The following LRIF1 variants were observed in gnomAD, a reference collection of about 807,000 sequenced individuals.
LRIF1 encodes ligand-dependent nuclear receptor-interacting factor 1.
LRIF1 carries 32 observed loss-of-function variants against 52.7 expected under a neutral mutation model. The observed-to-expected ratio is 0.61, with a 90% CI of 0.46 to 0.82. The LOEUF is 0.82. LRIF1 is among the 40% of genes least tolerant of loss of function. The probability of loss-of-function intolerance (pLI) is 0.00; values close to 1 mark genes in which losing one functional copy is unlikely to be tolerated. For missense variants in LRIF1, 887 were observed against 892.0 expected (o/e 0.99, Z 0.07); for synonymous variants, 323 against 317.4 (o/e 1.02, Z -0.19).
the LRIF1 span, among the ~76,000 whole-genome samples, chr1:110,918,465 A>T: frequency 6.6e-6 from 1 of 152,224 alleles, no homozygotes; most frequent in African/African-American, 2.4e-5. Flanking sequence ...GATTAATTAA[A>T]CGTTATGTAT....
chr1:110,934,466 C>A, the LRIF1 span, among the ~76,000 whole-genome samples: 47 of 152,138 alleles, frequency 3.1e-4, no homozygotes, highest in Non-Finnish European at 6.8e-4. Context: ...GAGCCCCCTG[C>A]CATTAAGGGT....
chr1:110,878,686 C>T, the LRIF1 span, among the ~76,000 whole-genome samples: 23 of 152,204 alleles, frequency 1.5e-4, no homozygotes, highest in African/African-American at 5.5e-4. Context: ...TCTTAGCTTA[C>T]AAAGGTGTTT....
chr1:110,962,496 G>A (rs747533875), intron 1 of LRIF1, among the ~76,000 whole-genome samples: 33 of 152,046 alleles, frequency 2.2e-4, no homozygotes, highest in Non-Finnish European at 1.0e-4. Context: ...TTTTCTACTT[G>A]CAATTAAAGA....
the LRIF1 span, among the ~76,000 whole-genome samples, chr1:110,907,661 G>T: frequency 6.6e-6 from 1 of 152,170 alleles, no homozygotes. Context: ...TTGAATCCGG[G>T]ATGCAGAGGT....
chr1:110,896,590 G>A, the LRIF1 span: 1 of 1,495,936 alleles, frequency 6.7e-7, no homozygotes, highest in African/African-American at 1.4e-5. Context: ...TTCCTCTAAG[G>A]TCCACAGCTT....
At chr1:110,896,228 A>T in the LRIF1 span, among the ~76,000 whole-genome samples, 1 of 152,160 alleles carries the variant, frequency 6.6e-6, no homozygotes, top group African/African-American at 2.4e-5. Flanking sequence ...AGCCCCATGA[A>T]CTTAAAAGTT....
At chr1:110,925,092 T>C in the LRIF1 span, among the ~76,000 whole-genome samples, 2 of 152,344 alleles carry the variant, frequency 1.3e-5, no homozygotes, top group South Asian at 4.1e-4. Flanking sequence ...TAGGTCACAG[T>C]ACACAGATAT....
intron 2 of LRIF1, 110 bp downstream of exon 2, chr1:110,951,178 G>C (rs1445390182): frequency 4.6e-6 from 4 of 864,652 alleles, no homozygotes; most frequent in South Asian, 1.7e-5. Flanking sequence ...GTCTGTGTGT[G>C]ATGGGGTTGG....
chr1:110,950,169 C>T (rs111712272), intron 2 of LRIF1, 46 bp from the exon 3 acceptor site: 1 of 1,542,688 alleles, frequency 6.5e-7, no homozygotes, highest in Non-Finnish European at 8.7e-7. Flanking sequence ...GCTAATTATT[C>T]AAGTTACTTT....
the LRIF1 span, among the ~76,000 whole-genome samples, chr1:110,912,644 A>G: frequency 6.6e-6 from 1 of 151,952 alleles, no homozygotes; most frequent in South Asian, 2.1e-4. Flanking sequence ...ATTTCTACAA[A>G]AAGAATTACA....
downstream of LRIF1, among the ~76,000 whole-genome samples, chr1:110,946,457 A>G (rs973772948): frequency 6.6e-6 from 1 of 152,162 alleles, no homozygotes; most frequent in East Asian, 1.9e-4. Flanking sequence ...ATTAAAAACC[A>G]GAGAACTGTG....
the LRIF1 span, among the ~76,000 whole-genome samples, chr1:110,914,488 C>T: frequency 2.6e-5 from 4 of 152,064 alleles, no homozygotes; most frequent in Non-Finnish European, 5.9e-5. Context: ...CAAACAAAAA[C>T]CACAATAAAA....
At chr1:110,951,187 G>C in intron 2 of LRIF1, 101 bp downstream of exon 2, 1 of 927,534 alleles carries the variant, frequency 1.1e-6, no homozygotes, top group Non-Finnish European at 1.6e-6. Context: ...TGATGGGGTT[G>C]GCAGTGGGGG....
At chr1:110,962,762 A>G (rs1320943477) in intron 1 of LRIF1, among the ~76,000 whole-genome samples, 1 of 152,168 alleles carries the variant, frequency 6.6e-6, no homozygotes, top group Non-Finnish European at 1.5e-5. Flanking sequence ...ATCCTCTTCC[A>G]TGAGTTTTGC....
At chr1:110,907,604 A>G in the LRIF1 span, among the ~76,000 whole-genome samples, 2 of 152,288 alleles carry the variant, frequency 1.3e-5, no homozygotes. Context: ...GCTTGGTGGT[A>G]CACACCTGTA....
intron 2 of LRIF1, 26 bp downstream of exon 2, chr1:110,951,262 A>C (rs544612592): frequency 6.4e-7 from 1 of 1,561,370 alleles, no homozygotes; most frequent in South Asian, 1.2e-5. Flanking sequence ...ATATATAAAA[A>C]GAGCACCCTG....
chr1:110,934,606 G>A, the LRIF1 span, among the ~76,000 whole-genome samples: 3 of 152,178 alleles, frequency 2.0e-5, no homozygotes, highest in South Asian at 2.1e-4. Flanking sequence ...AGGCTCCTCC[G>A]CCTTTGGAAA....
chr1:110,960,411 C>A (rs983812517), intron 1 of LRIF1, among the ~76,000 whole-genome samples: 7 of 152,168 alleles, frequency 4.6e-5, no homozygotes, highest in African/African-American at 1.7e-4. Context: ...AATGAAGCAT[C>A]ATCATTCCAG....
At chr1:110,909,773 G>A in the LRIF1 span, among the ~76,000 whole-genome samples, 1 of 151,902 alleles carries the variant, frequency 6.6e-6, no homozygotes, top group African/African-American at 2.4e-5. Context: ...TAGTGACGGG[G>A]TTTCTCCATG....
Sources: allele counts gnomAD v4.1 joint callset (sites outside exome capture counted in the v4.1 genomes callset), GRCh38; gene constraint gnomAD v4.1.1; transcripts MANE v1.5; gene names NCBI Gene and HGNC (gene_info 2026-07-23, HGNC 2026-07-21).